LTBP4: variants seen among roughly 807,000 people sequenced by gnomAD.
LTBP4 encodes the protein latent-transforming growth factor beta-binding protein 4.
A neutral mutation model predicts 180.2 loss-of-function variants in LTBP4; 93 were observed. The observed-to-expected ratio is 0.52, with a 90% CI of 0.44 to 0.61. The LOEUF is 0.61. LTBP4 is among the 20% of genes least tolerant of loss of function. The probability of loss-of-function intolerance (pLI) is 0.00; values close to 1 mark genes in which losing one functional copy is unlikely to be tolerated. For synonymous variants in LTBP4, 947 were observed against 934.5 expected (o/e 1.01, Z -0.24); for missense variants, 2,116 against 2,256.5 (o/e 0.94, Z 1.26).
At chr19:40,625,252 TTATATATATATATATATA>T (rs71173663) in intron 26 of LTBP4, among the ~76,000 whole-genome samples, 7 of 44,030 alleles carry the variant, frequency 1.6e-4, no homozygotes, top group Admixed American at 7.0e-4. Flanking sequence ...ATTTTTGTAT[TTATATATATATATATATA>T]TATATATATA....
In LTBP4 at chr19:40,613,391, C is replaced by A. The variant is rs998661816; in HGVS notation, c.2432-13C>A. Reference sequence around the variant, plus strand: ...GGGTCCCGTGACTCCGCCCAATCTCCCGCGTACCCTAGACGTGAACGAGTG... The same window carrying A: ...GGGTCCCGTGACTCCGCCCAATCTCACGCGTACCCTAGACGTGAACGAGTG... On this transcript the variant is annotated splice_polypyrimidine_tract_variant and intron_variant, in intron 16 of 29. Coordinates refer to ENST00000396819, the MANE Select transcript of LTBP4 (RefSeq NM_001042545.2). The surrounding 1 kb of genome is among the most constrained non-coding windows in gnomAD (Gnocchi z 5.0). The A allele has an allele frequency of 1.2e-6, 2 of 1,603,908 alleles. No individual in the cohort carries two copies. The highest frequency in any genetic ancestry group is 2.7e-5 in the African/African-American group (2 of 74,720).
upstream of LTBP4, chr19:40,599,193 A>G: frequency 1.2e-6 from 2 of 1,605,926 alleles, no homozygotes; most frequent in Non-Finnish European, 1.7e-6. Flanking sequence ...TCCACTATTT[A>G]TAGCGTTGCT....
At chr19:40,619,792 G>C (rs1245698807) in intron 22 of LTBP4, among the ~76,000 whole-genome samples, 1 of 152,150 alleles carries the variant, frequency 6.6e-6, no homozygotes, top group Non-Finnish European at 1.5e-5. Context: ...GTCCTCAAGG[G>C]GCTCACAAGC....
rs751526622 is a variant in LTBP4, at chr19:40,627,157, G to C, written c.4168G>C (p.Gly1390Arg). 6.2e-7 allele frequency: 1 copy of C among 1,612,870 alleles called. No individual in the cohort carries two copies. ...LPYDPYPPPP[G>R]PFARREAPYG... ...CTACGACCCCTACCCACCGCCACCT[G>C]GGCCCTTCGCCCGCCGGGAGGCTCC... Residue 1390 changes from glycine to arginine, a missense_variant, in exon 28 of 30, where the codon GGG (glycine) becomes CGG (arginine). This residue lies in a region of LTBP4 where 488 missense variants were observed against 458.8 expected (regional missense o/e 1.06). Transcript: ENST00000396819.
chr19:40,613,406 G>A lies in LTBP4; in HGVS notation c.2434G>A (p.Val812Met), dbSNP rs764548567. Residue 812 changes from valine to methionine, a missense_variant and splice_region_variant, in exon 17 of 30, where the codon GTG becomes ATG. Val to Met is a conservative substitution (Grantham distance 21). This residue lies in a region of LTBP4 where 877 missense variants were observed against 873.6 expected (regional missense o/e 1.00). Transcript: ENST00000396819. This position sits in a 1 kb window ranked among gnomAD's most constrained non-coding sequence, Gnocchi z 5.0. ...GCCCAATCTCCCGCGTACCCTAGAC[G>A]TGAACGAGTGCCTGGAGGGCGATTT... Reference protein sequence around the residue: ...PSGRPGPCADVNECLEGDFCF... With the variant: ...PSGRPGPCADMNECLEGDFCF... The A allele has an allele frequency of 6.2e-6, 10 of 1,606,322 alleles. No individual in the cohort carries two copies. The highest frequency in any genetic ancestry group is 8.5e-6 in the Non-Finnish European group (10 of 1,177,114).
chr19:40,620,289 A>G (rs1422029156), intron 22 of LTBP4, among the ~76,000 whole-genome samples: 2 of 150,274 alleles, frequency 1.3e-5, no homozygotes, highest in Non-Finnish European at 3.0e-5. Flanking sequence ...CCCAGGCCGG[A>G]GTGCAGTGGC....
chr19:40,601,573 C>T lies in LTBP4; in HGVS notation c.186C>T (p.Asn62=), dbSNP rs1421294676. 6.8e-7 allele frequency: 1 copy of T among 1,467,440 alleles called. No individual in the cohort carries two copies. Among genetic ancestry groups the T allele is most frequent in the Middle Eastern group, 2.2e-4 (1 of 4,560 alleles). 90.9% of individuals were successfully genotyped at this position (1,467,440 alleles called of 1,614,324 possible). A position where few individuals can be genotyped will look rare whatever the true frequency, so the allele number is the denominator to read the frequency against. ...GTACCCCGACCTGCGCGCCCCGCAA[C>T]GCCACCAGCGTGGACAGCGGCGCTC... The part of the protein sequence containing the change: ...SRCTPTCAPR[N]ATSVDSGAPG... Residue 62 remains asparagine, a synonymous_variant, in exon 1 of 30, where the codon AAC becomes AAT. Coordinates refer to ENST00000396819, the MANE Select transcript of LTBP4 (RefSeq NM_001042545.2).
rs564343078 is a variant in LTBP4, at chr19:40,609,969, G to A, written c.1684+98G>A. On this transcript the variant is annotated intron_variant, in intron 11 of 29. Transcript: ENST00000396819. This position sits in a 1 kb window ranked among gnomAD's most constrained non-coding sequence, Gnocchi z 4.9. ...CAGCCCTCCCACGCTTCCCCTCTCG[G>A]GTCCCGCCCCAGGACTGCTCTGCCC... 7.0e-5 allele frequency: 100 copies of A among 1,423,602 alleles called. 1 individual carries two copies. The South Asian group carries it at 1.4e-3, about 20-fold the overall frequency. 88.2% of individuals were successfully genotyped at this position (1,423,602 alleles called of 1,614,324 possible). A position where few individuals can be genotyped will look rare whatever the true frequency, so the allele number is the denominator to read the frequency against.
At chr19:40,597,085 A>T, upstream of LTBP4, 1 of 737,968 alleles carries the variant, frequency 1.4e-6, no homozygotes, top group Non-Finnish European at 1.8e-6. Flanking sequence ...CCGGGCTGTG[A>T]TTGGCGGGAA....
In LTBP4 at chr19:40,609,848, GC is replaced by G. The variant is rs2081491898; in HGVS notation, c.1664del (p.Pro555HisfsTer189). On this transcript the variant is annotated frameshift_variant, in exon 11 of 30. Transcript: ENST00000396819. LOFTEE classifies it high-confidence loss of function. This position sits in a 1 kb window ranked among gnomAD's most constrained non-coding sequence, Gnocchi z 4.9. ...RCVCGPGFRA[G>X]PRAAECLDVD... is the part of the protein sequence containing the mutation. ...GTGTGCGGCCCGGGCTTCCGAGCCG[GC>G]CCACGGGCTGCGGAATGCCTGGGTG... is the stretch of plus-strand genomic sequence containing the variant. 1 of 1,590,396 alleles carries G rather than the reference GC, an allele frequency of 6.3e-7. No homozygotes were observed. The highest frequency in any genetic ancestry group is 8.6e-7 in the Non-Finnish European group (1 of 1,167,148).
upstream of LTBP4, among the ~76,000 whole-genome samples, chr19:40,596,517 A>G (rs536175983): frequency 2.7e-5 from 4 of 146,278 alleles, no homozygotes; most frequent in Middle Eastern, 3.5e-3. Context: ...GCACCCTGGG[A>G]GCAGAGTTTG....
upstream of LTBP4, chr19:40,597,151 G>A (rs2081394957): frequency 1.6e-6 from 2 of 1,212,400 alleles, no homozygotes; most frequent in Non-Finnish European, 2.1e-6. Flanking sequence ...GGCGGGGGCG[G>A]GGGCGGGGGC....
Position 40,606,315 on chromosome 19 carries a change from G to T in LTBP4, c.868+8G>T, listed in dbSNP as rs755536651. 6.2e-7 allele frequency: 1 copy of T among 1,601,348 alleles called. No homozygotes were observed. The highest frequency in any genetic ancestry group is 1.3e-5 in the African/African-American group (1 of 74,764). On this transcript the variant is annotated splice_region_variant and intron_variant, in intron 5 of 29. Coordinates refer to ENST00000396819, the MANE Select transcript of LTBP4 (RefSeq NM_001042545.2). ...TTAATGGGTCCTGCGAAGGTGCAAC[G>T]GGGCAGGGGTGGGAGGGGCTTGGTT...
Position 40,623,716 on chromosome 19 carries a change from G to A in LTBP4, c.3669G>A (p.Gln1223=), listed in dbSNP as rs2081603761. 6.2e-7 allele frequency: 1 copy of A among 1,613,788 alleles called. No homozygotes were observed. Residue 1223 remains glutamine (Q), a synonymous_variant, in exon 25 of 30, where the codon CAG becomes CAA. Transcript: ENST00000396819. The part of the protein sequence containing the change: ...YCSNGYYYHT[Q]RLECIDNDEC... The stretch of plus-strand genomic sequence containing the variant: ...GCAACGGCTACTACTACCACACACA[G>A]CGGCTGGAGTGCATCGGTACAAGCC...
At chr19:40,593,521 G>T (rs1205237443) in intron 1 of LTBP4, among the ~76,000 whole-genome samples, 8 of 151,942 alleles carry the variant, frequency 5.3e-5, no homozygotes, top group Admixed American at 4.6e-4. Flanking sequence ...TGGGATTACA[G>T]GTGTGAGCTA....
intron 15 of LTBP4, among the ~76,000 whole-genome samples, chr19:40,612,498 G>T (rs2081515067): frequency 6.6e-6 from 1 of 152,136 alleles, no homozygotes; most frequent in Non-Finnish European, 1.5e-5. Context: ...TCCTGAATTT[G>T]ACTGTGACAT....
At position 40,613,024 on chromosome 19, in the gene LTBP4, C is replaced by G. The variant is rs369427783; in HGVS notation, c.2300-41C>G. 1 of 1,599,154 alleles carries G rather than the reference C, an allele frequency of 6.3e-7. No homozygotes were observed. The highest frequency in any genetic ancestry group is 1.3e-5 in the African/African-American group (1 of 74,686). ...CTCCAAGGGGATTGGTCGGGTGTGT[C>G]CCGAGACTGGACCCTTTCTGAACAC... is the stretch of plus-strand genomic sequence containing the variant. On this transcript the variant is annotated intron_variant, in intron 15 of 29. Coordinates refer to ENST00000396819, the MANE Select transcript of LTBP4 (RefSeq NM_001042545.2). The surrounding 1 kb of genome is among the most constrained non-coding windows in gnomAD (Gnocchi z 5.0).
intron 21 of LTBP4, among the ~76,000 whole-genome samples, chr19:40,619,139 A>G (rs984297793): frequency 6.6e-6 from 1 of 152,126 alleles, no homozygotes; most frequent in African/African-American, 2.4e-5. Flanking sequence ...CAGAGTAGAT[A>G]TAGCCCTACT....
chr19:40,603,390 C>T (rs1384522062), intron 1 of LTBP4, among the ~76,000 whole-genome samples: 1 of 152,282 alleles, frequency 6.6e-6, no homozygotes, highest in South Asian at 2.1e-4. Flanking sequence ...CCAATTGAGC[C>T]TCTTAAGTGC....
Sources: allele counts gnomAD v4.1 joint callset (sites outside exome capture counted in the v4.1 genomes callset), GRCh38; gene constraint gnomAD v4.1.1; regional missense constraint gnomAD v4.1.1; non-coding constraint Gnocchi (gnomAD v3.1); transcripts MANE v1.5; gene names NCBI Gene and HGNC (gene_info 2026-07-23, HGNC 2026-07-21).